Variants in BCR observed in about 807,000 individuals in gnomAD.
The protein encoded by BCR is BCR activator of RhoGEF and GTPase.
In BCR, 58 loss-of-function variants were observed where a neutral mutation model predicts 138.6. The observed-to-expected ratio is 0.42, with a 90% confidence interval of 0.34 to 0.52. The LOEUF is 0.52. BCR is among the 20% of genes least tolerant of loss of function. BCR has a pLI of 0.06. For missense variants in BCR, 1,599 were observed against 1,727.2 expected (o/e 0.93, Z 1.32); for synonymous variants, 786 against 730.1 (o/e 1.08, Z -1.23).
In BCR at chr22:23,181,595, G is replaced by T. The variant is rs1569233640; in HGVS notation, c.635G>T (p.Arg212Leu). The T allele has an allele frequency of 5.6e-6, 9 of 1,612,544 alleles. No homozygotes were observed. The highest frequency in any genetic ancestry group is 7.6e-6 in the Non-Finnish European group (9 of 1,180,006). Residue 212 changes from arginine to leucine, a missense_variant, in exon 1 of 23, where the codon CGC becomes CTC. By Grantham distance (102) the Arg-to-Leu change is moderately radical (BLOSUM62 -2). Around this residue, in one of 4 missense-constraint regions of BCR, gnomAD observed 806 missense variants for 635.0 expected, o/e 1.27. Coordinates refer to ENST00000305877, the MANE Select transcript of BCR (RefSeq NM_004327.4). Reference sequence around the variant, plus strand: ...GGCAGCCAGGCCATGCAGATGGAGCGCAAAAAGTCCCAGCACGGCGCGGGC... The same window carrying T: ...GGCAGCCAGGCCATGCAGATGGAGCTCAAAAAGTCCCAGCACGGCGCGGGC... ...SLGSQAMQME[R>L]KKSQHGAGSS... is the part of the protein sequence containing the mutation.
At chr22:23,252,864 C>A (rs1287370595) in intron 1 of BCR, among the ~76,000 whole-genome samples, 1 of 152,224 alleles carries the variant, frequency 6.6e-6, no homozygotes, top group Non-Finnish European at 1.5e-5. Context: ...CAGTTCTCTG[C>A]AGACACCAGC....
chr22:23,258,234 G>A (rs1451261179), intron 2 of BCR, among the ~76,000 whole-genome samples: 1 of 151,216 alleles, frequency 6.6e-6, no homozygotes, highest in African/African-American at 2.4e-5. Context: ...CACACACTTA[G>A]GAGATTCCCA....
chr22:23,238,550 A>G (rs962757046), intron 1 of BCR, among the ~76,000 whole-genome samples: 6 of 152,050 alleles, frequency 3.9e-5, no homozygotes, highest in Admixed American at 2.6e-4. Context: ...TCCACGTCCA[A>G]ACCTTCAACC....
At chr22:23,289,031 G>T (rs1210516699) in intron 12 of BCR, among the ~76,000 whole-genome samples, 1 of 152,202 alleles carries the variant, frequency 6.6e-6, no homozygotes, top group African/African-American at 2.4e-5. Context: ...TGTGTCCCAG[G>T]GTTTCCTGTC....
intron 1 of BCR, among the ~76,000 whole-genome samples, chr22:23,183,777 C>T (rs1447379951): frequency 6.6e-6 from 1 of 152,232 alleles, no homozygotes; most frequent in Non-Finnish European, 1.5e-5. Context: ...AATTGATAGT[C>T]TTTGCTGGTG....
intron 2 of BCR, among the ~76,000 whole-genome samples, chr22:23,254,921 A>T (rs1222720181): frequency 6.6e-6 from 1 of 152,144 alleles, no homozygotes; most frequent in Non-Finnish European, 1.5e-5. Flanking sequence ...CCAGCGACTC[A>T]GGAGGCTGAG....
chr22:23,273,735 C>G lies in BCR; in HGVS notation c.2076C>G (p.Ile692Met). 2 of 1,614,156 alleles carry G rather than the reference C, an allele frequency of 1.2e-6. No individual in the cohort carries two copies. Among genetic ancestry groups the G allele is most frequent in the South Asian group, 1.1e-5 (1 of 91,084 alleles). ...TCCTGTCCAGCATCAATGAGGAGAT[C>G]ACACCCCGACGGCAGTCCATGACGG... is the stretch of plus-strand genomic sequence containing the variant. ...QNFLSSINEE[I>M]TPRRQSMTVK... Residue 692 changes from isoleucine (I) to methionine (M), a missense_variant, in exon 8 of 23, where the codon ATC becomes ATG. By Grantham distance (10) the Ile-to-Met change is conservative. This residue lies in a region of BCR where 590 missense variants were observed against 762.4 expected (regional missense o/e 0.77). Coordinates refer to ENST00000305877, the MANE Select transcript of BCR (RefSeq NM_004327.4).
rs762787612 is a variant in BCR at position 23,290,319 on chromosome 22, C to T, written c.2708-20C>T. On this transcript the variant is annotated intron_variant, in intron 13 of 22. Transcript: ENST00000305877. ...CTTTCCCGGGACAACAGAAGCTGAC[C>T]TCTTTGATCTCTTGCGCAGATGATG... 1.9e-6 allele frequency: 3 copies of T among 1,611,220 alleles called. No homozygotes were observed. The South Asian group carries it at 3.3e-5, about 18-fold the overall frequency.
intron 1 of BCR, among the ~76,000 whole-genome samples, chr22:23,197,844 G>A (rs1292352070): frequency 6.6e-6 from 1 of 152,024 alleles, no homozygotes; most frequent in Non-Finnish European, 1.5e-5. Context: ...GAGGGATGGA[G>A]AGGACAAGGA....
intron 1 of BCR, among the ~76,000 whole-genome samples, chr22:23,220,799 A>T (rs12157290): frequency 6.6e-6 from 1 of 152,108 alleles, no homozygotes; most frequent in South Asian, 2.1e-4. Context: ...GGAATTGTTG[A>T]TGCATCAGAG....
chr22:23,313,406 G>A (rs551327032), intron 20 of BCR, among the ~76,000 whole-genome samples: 2 of 152,338 alleles, frequency 1.3e-5, no homozygotes, highest in South Asian at 4.1e-4. Context: ...TCAACCTGGA[G>A]GCTGATGTCT....
At position 23,314,421 on chromosome 22, in the gene BCR, G is replaced by A. The variant is rs1164340915; in HGVS notation, c.3564-131G>A. Reference sequence around the variant, plus strand: ...GCCACTGAGACCCAGAAGTACCAGGGCTGGAGTCAGCTTGCAGCACAGCCA... The same window carrying A: ...GCCACTGAGACCCAGAAGTACCAGGACTGGAGTCAGCTTGCAGCACAGCCA... On this transcript the variant is annotated intron_variant, in intron 21 of 22. Transcript: ENST00000305877. 14 of 1,078,288 alleles carry A rather than the reference G, an allele frequency of 1.3e-5. No homozygotes were observed. The African/African-American group carries it at 1.6e-4, about 12-fold the overall frequency. 66.8% of individuals were successfully genotyped at this position (1,078,288 alleles called of 1,614,324 possible).
intron 1 of BCR, among the ~76,000 whole-genome samples, chr22:23,197,125 C>T (rs2146205840): frequency 6.6e-6 from 1 of 152,338 alleles, no homozygotes; most frequent in East Asian, 1.9e-4. Context: ...GATTATAATA[C>T]TGTGTTTTTA....
intron 1 of BCR, among the ~76,000 whole-genome samples, chr22:23,252,111 C>T (rs554608016): frequency 6.6e-6 from 1 of 152,340 alleles, no homozygotes; most frequent in South Asian, 2.1e-4. Flanking sequence ...CCACTCTGTC[C>T]TCCTGCGGGT....
intron 1 of BCR, among the ~76,000 whole-genome samples, chr22:23,237,500 G>T (rs1170900709): frequency 2.0e-5 from 3 of 152,238 alleles, no homozygotes; most frequent in Admixed American, 6.5e-5. Flanking sequence ...TCAAGAGCTG[G>T]GTCCTCTCTC....
chr22:23,303,990 A>G (rs1439593207), intron 16 of BCR, among the ~76,000 whole-genome samples: 1 of 140,942 alleles, frequency 7.1e-6, no homozygotes, highest in Non-Finnish European at 1.5e-5. Flanking sequence ...GTTGGAGTAC[A>G]GTGGTGCAAC....
At chr22:23,279,637 TC>T (rs1464274187) in intron 8 of BCR, among the ~76,000 whole-genome samples, 22 of 152,224 alleles carry the variant, frequency 1.4e-4, no homozygotes, top group African/African-American at 5.3e-4. Flanking sequence ...TGGGCCGTCT[TC>T]CTTCTCCACT....
chr22:23,218,499 G>T (rs1052462011), intron 1 of BCR, among the ~76,000 whole-genome samples: 1 of 152,232 alleles, frequency 6.6e-6, no homozygotes, highest in African/African-American at 2.4e-5. Context: ...TGTGGGACCG[G>T]AGAGCTGGGA....
At position 23,311,783 on chromosome 22, in the gene BCR, G is replaced by A. The variant is rs2074010613; in HGVS notation, c.3269G>A (p.Arg1090His). The change falls in exon 19 of 23, where the codon CGC becomes CAC. Residue 1090 changes from arginine to histidine, a missense_variant. Coordinates refer to ENST00000305877, the MANE Select transcript of BCR (RefSeq NM_004327.4). ...GGCATGGAGGAGGTGGGCATCTACCGCGTGTCCGGTGTGGCCACGGACATC... is the reference window on the plus strand; with the variant it reads ...GGCATGGAGGAGGTGGGCATCTACCACGTGTCCGGTGTGGCCACGGACATC... Reference protein sequence around the residue: ...RRGMEEVGIYRVSGVATDIQA... With the variant: ...RRGMEEVGIYHVSGVATDIQA... The A allele has an allele frequency of 2.5e-6, 4 of 1,611,804 alleles. No individual in the cohort carries two copies. Among genetic ancestry groups the A allele is most frequent in the Non-Finnish European group, 2.5e-6 (3 of 1,179,852 alleles).
Sources: gnomAD v4.1 joint callset for allele counts (sites outside exome capture counted in the v4.1 genomes callset) on GRCh38, gnomAD v4.1.1 for gene constraint, gnomAD v4.1.1 regional missense constraint, MANE v1.5 for transcripts, NCBI Gene and HGNC (gene_info 2026-07-23, HGNC 2026-07-21) for gene names.